The following AXDND1 variants were observed in gnomAD, a reference collection of about 807,000 sequenced individuals.
The protein encoded by AXDND1 is axonemal dynein light chain domain containing 1.
AXDND1 carries 110 observed loss-of-function variants against 137.5 expected under a neutral mutation model. The ratio of observed to expected loss-of-function variants is 0.80; its 90% CI spans 0.69 to 0.94. The LOEUF (loss-of-function observed/expected upper bound fraction) is 0.94. Ranked by LOEUF, AXDND1 falls within the 40% of genes least tolerant of loss-of-function variation. The probability of loss-of-function intolerance (pLI) is 0.00; values close to 1 mark genes in which losing one functional copy is unlikely to be tolerated. For synonymous variants in AXDND1, 414 were observed against 399.7 expected, an observed-to-expected ratio of 1.04 and a Z score of -0.43; for missense variants, 1,191 against 1,169.8, an observed-to-expected ratio of 1.02 and a Z score of -0.26.
Position 179,503,332 on chromosome 1 carries a change from CTT to C in AXDND1, c.2389-5961_2389-5960del, listed in dbSNP as rs1246361891. 5.3e-5 allele frequency among the ~76,000 whole-genome samples: 8 copies of C among 151,906 alleles called. No homozygotes were observed. In the South Asian group the frequency reaches 1.5e-3, roughly 28 times the overall value. ...TAACTATTATAAAACTGTTTAAAAA[CTT>C]TTATGTTATAAAATTTATGTACAAC... is the stretch of plus-strand genomic sequence containing the variant. On this transcript the variant is annotated intron_variant, in intron 20 of 25. Coordinates refer to ENST00000367618, the MANE Select transcript of AXDND1 (RefSeq NM_144696.6).
intron 21 of AXDND1, among the ~76,000 whole-genome samples, chr1:179,517,527 C>T (rs1359636868): frequency 6.6e-6 from 1 of 152,218 alleles, no homozygotes; most frequent in Non-Finnish European, 1.5e-5. Flanking sequence ...CTCCTTGGGG[C>T]GTTTTCCCCT....
chr1:179,380,031 C>T (rs1038738002), intron 6 of AXDND1, among the ~76,000 whole-genome samples: 2 of 151,976 alleles, frequency 1.3e-5, no homozygotes, highest in Non-Finnish European at 2.9e-5. Flanking sequence ...GAGCAGATCA[C>T]GAGGTCGGGA....
intron 20 of AXDND1, among the ~76,000 whole-genome samples, chr1:179,502,195 G>A (rs1668061668): frequency 6.6e-6 from 1 of 152,198 alleles, no homozygotes; most frequent in Non-Finnish European, 1.5e-5. Context: ...ACATACTTAT[G>A]AAAAGCTGCT....
intron 20 of AXDND1, among the ~76,000 whole-genome samples, chr1:179,502,562 TAAA>T (rs35740934): frequency 0.15 from 12,243 of 80,978 alleles, 700 homozygotes; most frequent in African/African-American, 0.19. Context: ...AAACTCTGTC[TAAA>T]AAAAAAAAAA....
At chr1:179,441,584 T>C (rs1658995091) in intron 15 of AXDND1, among the ~76,000 whole-genome samples, 1 of 152,248 alleles carries the variant, frequency 6.6e-6, no homozygotes, top group South Asian at 2.1e-4. Context: ...AATCTGACGC[T>C]TCACTGCCTC....
intron 16 of AXDND1, among the ~76,000 whole-genome samples, chr1:179,457,582 C>T (rs1013800120): frequency 1.3e-5 from 2 of 152,100 alleles, no homozygotes; most frequent in East Asian, 1.9e-4. Flanking sequence ...CATTATTATT[C>T]GTATTTCATA....
chr1:179,552,780 T>A, intron 25 of AXDND1: 1 of 907,780 alleles, frequency 1.1e-6, no homozygotes, highest in East Asian at 2.5e-5. Context: ...TGTCTCATGA[T>A]GAGTAGCAAA....
intron 4 of AXDND1, among the ~76,000 whole-genome samples, chr1:179,374,493 A>G (rs112329270): frequency 0.084 from 12,715 of 152,238 alleles, 669 homozygotes; most frequent in African/African-American, 0.14. Context: ...CCAAAGGATT[A>G]TACATCATGC....
At chr1:179,553,901 AC>A (rs1673679764) in intron 25 of AXDND1, among the ~76,000 whole-genome samples, 1 of 135,272 alleles carries the variant, frequency 7.4e-6, no homozygotes, top group South Asian at 2.3e-4. Context: ...ATTTGCCAAC[AC>A]CCCTGGCTAA....
intron 10 of AXDND1, 103 bp from the exon 11 acceptor site, chr1:179,394,995 A>C: frequency 1.1e-6 from 1 of 916,814 alleles, no homozygotes; most frequent in South Asian, 1.7e-5. Flanking sequence ...AGGGAGGTAC[A>C]CATGATAACT....
chr1:179,491,483 T>G (rs1666888634), intron 18 of AXDND1, 55 bp from the exon 19 acceptor site: 5 of 1,215,814 alleles, frequency 4.1e-6, no homozygotes, highest in Non-Finnish European at 5.9e-6. Flanking sequence ...GGTGTGATTT[T>G]TACTGTTTGA....
At chr1:179,547,618 G>A (rs371961631) in intron 25 of AXDND1, among the ~76,000 whole-genome samples, 6 of 152,244 alleles carry the variant, frequency 3.9e-5, no homozygotes, top group African/African-American at 1.2e-4. Context: ...GGCTTCTGTC[G>A]GTTTGGAGGG....
intron 21 of AXDND1, among the ~76,000 whole-genome samples, chr1:179,521,170 G>C (rs1670028904): frequency 6.6e-6 from 1 of 151,826 alleles, no homozygotes; most frequent in South Asian, 2.1e-4. Flanking sequence ...TGTTGCCTAG[G>C]CTGGCTTGAA....
intron 15 of AXDND1, among the ~76,000 whole-genome samples, chr1:179,435,850 G>C (rs1428476375): frequency 6.6e-6 from 1 of 152,086 alleles, no homozygotes; most frequent in Non-Finnish European, 1.5e-5. Flanking sequence ...GATCTAATTA[G>C]ACTAAAGACC....
chr1:179,531,955 G>A (rs1423888011), intron 23 of AXDND1, among the ~76,000 whole-genome samples: 2 of 152,216 alleles, frequency 1.3e-5, no homozygotes, highest in Non-Finnish European at 2.9e-5. Flanking sequence ...AAAAGCCAGA[G>A]GAAGGTTTGG....
At chr1:179,403,009 G>T (rs1447691587) in intron 11 of AXDND1, among the ~76,000 whole-genome samples, 3 of 152,166 alleles carry the variant, frequency 2.0e-5, no homozygotes, top group East Asian at 3.9e-4. Context: ...ACAATGTAGG[G>T]GTTAGAGACA....
At chr1:179,546,458 TC>T (rs372905215) in intron 25 of AXDND1, among the ~76,000 whole-genome samples, 18 of 152,166 alleles carry the variant, frequency 1.2e-4, no homozygotes, top group African/African-American at 3.9e-4. Context: ...TCTCAGGGTG[TC>T]CCTGAAGTGG....
chr1:179,456,604 C>A (rs1019015875), intron 16 of AXDND1: 2 of 810,518 alleles, frequency 2.5e-6, no homozygotes, highest in Non-Finnish European at 4.3e-6. Context: ...TTACCAAACC[C>A]ATTATAGCCA....
chr1:179,424,387 T>G (rs1372781274), intron 12 of AXDND1, among the ~76,000 whole-genome samples: 1 of 151,850 alleles, frequency 6.6e-6, no homozygotes, highest in Non-Finnish European at 1.5e-5. Flanking sequence ...TTCCTATAAC[T>G]GGACATTCAT....
Sources: allele counts gnomAD v4.1 joint callset (sites outside exome capture counted in the v4.1 genomes callset), GRCh38; gene constraint gnomAD v4.1.1; transcripts MANE v1.5; gene names NCBI Gene and HGNC (gene_info 2026-07-23, HGNC 2026-07-21).